The following AKAP9 variants were observed in gnomAD, a reference collection of about 807,000 sequenced individuals.
The protein encoded by AKAP9 is A-kinase anchoring protein 9.
AKAP9 carries 311 observed loss-of-function variants against 488.5 expected under a neutral mutation model. The observed-to-expected ratio is 0.64, with a 90% CI of 0.58 to 0.70. The LOEUF is 0.70. Ranked by LOEUF, AKAP9 falls within the 30% of genes least tolerant of loss-of-function variation. The pLI is 0.00. For missense variants in AKAP9, 4,215 were observed against 4,374.5 expected, an observed-to-expected ratio of 0.96 and a Z score of 1.03; for synonymous variants, 1,462 against 1,483.5, an observed-to-expected ratio of 0.99 and a Z score of 0.33.
chr7:92,047,278 G>A (rs773253249), intron 21 of AKAP9, among the ~76,000 whole-genome samples: 9 of 151,732 alleles, frequency 5.9e-5, no homozygotes, highest in Middle Eastern at 3.4e-3. Context: ...GAGCAGTGGC[G>A]CAATCTCTGC....
chr7:92,077,092 C>CTTTTTTTTTTTTTTTTTTTT (rs201649179), intron 29 of AKAP9, 85 bp downstream of exon 29: 2 of 296,970 alleles, frequency 6.7e-6, no homozygotes, highest in African/African-American at 3.1e-5. Context: ...ATTATTATTT[C>CTTTTTTTTTTTTTTTTTTTT]TTTCTTTTTT....
Position 92,070,901 on chromosome 7 carries a change from A to G in AKAP9, c.6508-4A>G. ...ATTTTGAGAAAATTTTTATATATTTAAAGGTAGAGGACCGAAAACACTTTG... is the reference window on the plus strand; with the variant it reads ...ATTTTGAGAAAATTTTTATATATTTGAAGGTAGAGGACCGAAAACACTTTG... On this transcript the variant is annotated splice_region_variant and splice_polypyrimidine_tract_variant and intron_variant, in intron 27 of 49. Transcript: ENST00000356239. 1.2e-6 allele frequency: 2 copies of G among 1,601,544 alleles called. No homozygotes were observed. The highest frequency in any genetic ancestry group is 8.5e-7 in the Non-Finnish European group (1 of 1,171,090).
chr7:91,998,416 C>CTTTTTTTTTTT (rs1554402644), intron 7 of AKAP9, among the ~76,000 whole-genome samples: 1 of 57,354 alleles, frequency 1.7e-5, no homozygotes, highest in African/African-American at 4.9e-5. Context: ...AACCACAGGG[C>CTTTTTTTTTTT]TCTTTTTTTT....
intron 29 of AKAP9, 94 bp downstream of exon 29, chr7:92,077,101 T>C (rs1812729142): frequency 6.2e-6 from 3 of 487,790 alleles, no homozygotes; most frequent in Admixed American, 5.4e-5. Context: ...TCTTTCTTTT[T>C]TTTTTTTTTT....
At position 92,009,077 on chromosome 7, in the gene AKAP9, G is replaced by A. The variant is rs993226397; in HGVS notation, c.3319-3352G>A. Among the ~76,000 whole-genome samples, 9 of 151,916 alleles carry A rather than the reference G, an allele frequency of 5.9e-5. 1 individual carries two copies. The highest frequency in any genetic ancestry group is 1.9e-4 in the East Asian group (1 of 5,178). On this transcript the variant is annotated intron_variant, in intron 8 of 49. Coordinates refer to ENST00000356239, the MANE Select transcript of AKAP9 (RefSeq NM_005751.5). ...CTCACACCTATAATCCCAGTGCTTC[G>A]GATGGCTGAGACAGGAGGAGTGCTT... is the stretch of plus-strand genomic sequence containing the variant.
At chr7:92,034,506 T>A (rs1016311154) in intron 16 of AKAP9, among the ~76,000 whole-genome samples, 2,668 of 132,666 alleles carry the variant, frequency 0.02, 37 homozygotes, top group East Asian at 0.06. Context: ...ATATTTTTTT[T>A]TTTTTTTTTT....
At chr7:91,990,406 A>G (rs1451947000) in intron 3 of AKAP9, among the ~76,000 whole-genome samples, 1 of 152,114 alleles carries the variant, frequency 6.6e-6, no homozygotes, top group Non-Finnish European at 1.5e-5. Context: ...ACTTTGGAAT[A>G]TAGTGTGTTT....
At chr7:91,965,392 T>C (rs1794316416) in intron 1 of AKAP9, among the ~76,000 whole-genome samples, 1 of 152,242 alleles carries the variant, frequency 6.6e-6, no homozygotes, top group Admixed American at 6.5e-5. Context: ...TGAATAATAT[T>C]CCATTGTGTA....
At chr7:91,967,716 G>T (rs1794590896) in intron 1 of AKAP9, among the ~76,000 whole-genome samples, 1 of 151,974 alleles carries the variant, frequency 6.6e-6, no homozygotes, top group African/African-American at 2.4e-5. Flanking sequence ...ATTTTGTTGA[G>T]GATTTTTGCA....
In AKAP9 at chr7:92,079,191, A is replaced by G; in HGVS notation, c.7058A>G (p.Asn2353Ser). The G allele has an allele frequency of 1.2e-6, 2 of 1,614,062 alleles. No homozygotes were observed. The highest frequency in any genetic ancestry group is 1.7e-4 in the Middle Eastern group (1 of 6,060). The change falls in exon 31 of 50, where the codon AAT becomes AGT. Residue 2353 changes from asparagine (N) to serine (S), a missense_variant. This residue lies in a region of AKAP9 where 1,476 missense variants were observed against 1,477.4 expected (regional missense o/e 1.00). Coordinates refer to ENST00000356239, the MANE Select transcript of AKAP9 (RefSeq NM_005751.5). ...RNREEEIEQL[N>S]EVIEKLQQEL... ...AGAGAAGAAGAAATAGAGCAGCTCA[A>G]TGAAGTGATTGAAAAACTTCAACAG...
chr7:91,980,428 A>G, intron 3 of AKAP9, 95 bp downstream of exon 3: 1 of 467,140 alleles, frequency 2.1e-6, no homozygotes. Context: ...CTTGTCACTC[A>G]TGCTTCTATT....
intron 48 of AKAP9, chr7:92,108,033 A>G (rs1249586542): frequency 2.2e-5 from 4 of 183,324 alleles, no homozygotes; most frequent in Admixed American, 1.1e-4. Context: ...AAAAAAAAAA[A>G]AGAAAAAAAA....
intron 45 of AKAP9, among the ~76,000 whole-genome samples, chr7:92,101,459 T>C (rs1163790586): frequency 6.6e-6 from 1 of 150,718 alleles, no homozygotes; most frequent in African/African-American, 2.4e-5. Context: ...AAAATGTAGA[T>C]AGTATTCAGG....
intron 1 of AKAP9, among the ~76,000 whole-genome samples, chr7:91,952,914 G>T (rs896612068): frequency 6.6e-6 from 1 of 152,136 alleles, no homozygotes; most frequent in Non-Finnish European, 1.5e-5. Flanking sequence ...TGAACTCCCA[G>T]GCTCAAGCAG....
At chr7:92,068,435 C>T (rs542887522) in intron 26 of AKAP9, among the ~76,000 whole-genome samples, 1 of 144,262 alleles carries the variant, frequency 6.9e-6, no homozygotes, top group East Asian at 2.1e-4. Context: ...TTCTGACAAA[C>T]ATATTTTTGG....
chr7:92,065,959 A>G (rs781314026), intron 25 of AKAP9, among the ~76,000 whole-genome samples: 7 of 152,158 alleles, frequency 4.6e-5, no homozygotes, highest in Non-Finnish European at 8.8e-5. Flanking sequence ...CTTAAGCCTG[A>G]TACTCTCTTC....
intron 2 of AKAP9, among the ~76,000 whole-genome samples, chr7:91,979,027 C>T (rs1796064169): frequency 6.6e-6 from 1 of 151,212 alleles, no homozygotes; most frequent in Non-Finnish European, 1.5e-5. Context: ...ATCCACCCAC[C>T]TCAGCCTCCC....
chr7:92,001,138 A>T lies in AKAP9; in HGVS notation c.1221A>T (p.Arg407Ser), dbSNP rs373295992. Residue 407 changes from arginine to serine, a missense_variant, in exon 8 of 50, where the codon AGA becomes AGT. Physicochemically the swap from Arg to Ser is moderately radical, Grantham distance 110. Coordinates refer to ENST00000356239, the MANE Select transcript of AKAP9 (RefSeq NM_005751.5). ...LMGTVEELQKRNHKDSQFETD... is the reference protein window; with the variant it reads ...LMGTVEELQKSNHKDSQFETD... The stretch of plus-strand genomic sequence containing the variant: ...GGACAGTCGAAGAACTTCAGAAGAG[A>T]AATCATAAAGACAGCCAGTTCGAAA... The T allele has an allele frequency of 6.2e-7, 1 of 1,614,080 alleles. No individual in the cohort carries two copies. Among genetic ancestry groups the T allele is most frequent in the Non-Finnish European group, 8.5e-7 (1 of 1,179,966 alleles).
At chr7:91,957,253 AG>A (rs1032676834) in intron 1 of AKAP9, among the ~76,000 whole-genome samples, 1 of 152,212 alleles carries the variant, frequency 6.6e-6, no homozygotes, top group African/African-American at 2.4e-5. Context: ...TTAAATGTGT[AG>A]AATTAACACT....
Sources: gnomAD v4.1 joint callset for allele counts (sites outside exome capture counted in the v4.1 genomes callset) on GRCh38, gnomAD v4.1.1 for gene constraint, gnomAD v4.1.1 regional missense constraint, MANE v1.5 for transcripts, NCBI Gene and HGNC (gene_info 2026-07-23, HGNC 2026-07-21) for gene names.